RBFOX1: variants seen among roughly 807,000 people sequenced by gnomAD.
RBFOX1 encodes RNA binding protein fox-1 homolog 1.
Under a neutral mutation model 57.7 loss-of-function variants are expected in RBFOX1, and 8 were observed. The ratio of observed to expected loss-of-function variants is 0.14; its 90% CI spans 0.08 to 0.25. The LOEUF (loss-of-function observed/expected upper bound fraction) is 0.25. Ranked by LOEUF, RBFOX1 falls within the 10% of genes least tolerant of loss-of-function variation. The probability of loss-of-function intolerance (pLI) is 1.00; values close to 1 mark genes in which losing one functional copy is unlikely to be tolerated. For synonymous variants in RBFOX1, 326 were observed against 222.4 expected (o/e 1.47, Z -4.15); for missense variants, 611 against 548.5 (o/e 1.11, Z -1.14).
chr16:6,947,860 T>C (rs770014562), intron 3 of RBFOX1, among the ~76,000 whole-genome samples: 1 of 152,178 alleles, frequency 6.6e-6, no homozygotes. Flanking sequence ...CACTGCAAAG[T>C]CCACCTCATG....
intron 3 of RBFOX1, among the ~76,000 whole-genome samples, chr16:5,722,760 G>T (rs910417339): frequency 3.9e-5 from 6 of 152,094 alleles, no homozygotes; most frequent in African/African-American, 1.4e-4. Flanking sequence ...TCCCTGCCTG[G>T]CTTACTTCTA....
intron 2 of RBFOX1, among the ~76,000 whole-genome samples, chr16:6,648,069 C>G (rs1568034203): frequency 6.6e-6 from 1 of 152,140 alleles, no homozygotes; most frequent in Non-Finnish European, 1.5e-5. Flanking sequence ...TCTCAAACTC[C>G]TGGCCTCAAG....
At chr16:7,186,534 A>T (rs28379939) in intron 4 of RBFOX1, among the ~76,000 whole-genome samples, 17 of 129,096 alleles carry the variant, frequency 1.3e-4, no homozygotes, top group South Asian at 5.0e-4. Context: ...AAATATAAGC[A>T]TAAACATATT....
chr16:6,987,086 A>T (rs370823249), intron 3 of RBFOX1, among the ~76,000 whole-genome samples: 1 of 152,090 alleles, frequency 6.6e-6, no homozygotes, highest in Non-Finnish European at 1.5e-5. Flanking sequence ...CAAGCGATCT[A>T]TTAGCAGCTT....
At chr16:6,668,279 A>G (rs972401569) in intron 3 of RBFOX1, among the ~76,000 whole-genome samples, 2 of 152,224 alleles carry the variant, frequency 1.3e-5, no homozygotes, top group East Asian at 3.8e-4. Flanking sequence ...GGGTTCTCCC[A>G]GAAAGAGTGC....
intron 4 of RBFOX1, among the ~76,000 whole-genome samples, chr16:5,889,959 C>T (rs1396150566): frequency 6.6e-6 from 1 of 152,198 alleles, no homozygotes; most frequent in African/African-American, 2.4e-5. Flanking sequence ...GTGATGATCA[C>T]AATGCGTGTG....
intron 1 of RBFOX1, among the ~76,000 whole-genome samples, chr16:6,237,361 G>T (rs973276845): frequency 1.1e-4 from 16 of 152,164 alleles, no homozygotes; most frequent in Non-Finnish European, 1.9e-4. Context: ...TCCTTATATG[G>T]CCAGGTCTGA....
At chr16:5,593,555 A>C (rs1327419916) in intron 2 of RBFOX1, among the ~76,000 whole-genome samples, 1 of 152,092 alleles carries the variant, frequency 6.6e-6, no homozygotes, top group African/African-American at 2.4e-5. Flanking sequence ...AACCCACCAA[A>C]ACCAAGATGG....
intron 2 of RBFOX1, among the ~76,000 whole-genome samples, chr16:6,570,865 T>A (rs1296230538): frequency 1.3e-5 from 2 of 152,178 alleles, no homozygotes; most frequent in East Asian, 3.8e-4. Flanking sequence ...GGTGCCTCAG[T>A]TAAGGATGGG....
chr16:5,541,309 G>C (rs1343626198), intron 2 of RBFOX1, among the ~76,000 whole-genome samples: 1 of 152,078 alleles, frequency 6.6e-6, no homozygotes, highest in Admixed American at 6.5e-5. Flanking sequence ...AGTTAATTTA[G>C]AGAGTTTATT....
At chr16:6,480,747 C>G (rs1273737042) in intron 2 of RBFOX1, among the ~76,000 whole-genome samples, 2 of 152,152 alleles carry the variant, frequency 1.3e-5, no homozygotes, top group Admixed American at 6.5e-5. Flanking sequence ...ATTTTTATCT[C>G]AGCAATTTAT....
intron 2 of RBFOX1, among the ~76,000 whole-genome samples, chr16:6,369,392 AAAAG>A (rs1257319136): frequency 3.3e-4 from 50 of 152,362 alleles, no homozygotes; most frequent in African/African-American, 1.2e-3. Flanking sequence ...TTGTGAAGGA[AAAAG>A]AAAGGAGGCA....
At chr16:6,402,068 A>G (rs192499895) in intron 2 of RBFOX1, among the ~76,000 whole-genome samples, 1 of 151,532 alleles carries the variant, frequency 6.6e-6, no homozygotes, top group East Asian at 2.0e-4. Flanking sequence ...GGTCAGAAGG[A>G]TGAGATGACT....
chr16:5,969,616 C>G (rs2059923985), intron 4 of RBFOX1, among the ~76,000 whole-genome samples: 1 of 151,664 alleles, frequency 6.6e-6, no homozygotes, highest in African/African-American at 2.4e-5. Context: ...ACCACCATGT[C>G]CAGCCTTTGT....
intron 3 of RBFOX1, among the ~76,000 whole-genome samples, chr16:6,735,274 T>TTC (rs2069850917): frequency 6.6e-6 from 1 of 152,202 alleles, no homozygotes; most frequent in African/African-American, 2.4e-5. Flanking sequence ...ACTTGCCTCC[T>TTC]ACCCAACTCA....
At chr16:5,601,952 C>T (rs553132275), downstream of RBFOX1, among the ~76,000 whole-genome samples, 63 of 152,192 alleles carry the variant, frequency 4.1e-4, no homozygotes, top group Non-Finnish European at 7.8e-4. Flanking sequence ...TGTGTTCTCT[C>T]TAGTGGAAGG....
intron 3 of RBFOX1, among the ~76,000 whole-genome samples, chr16:6,990,958 T>G (rs573876218): frequency 3.3e-5 from 5 of 152,098 alleles, no homozygotes; most frequent in African/African-American, 9.6e-5. Context: ...GTTCATTGAT[T>G]GCATATTTTA....
At chr16:6,197,954 C>A (rs1385005839) in intron 1 of RBFOX1, among the ~76,000 whole-genome samples, 1 of 152,176 alleles carries the variant, frequency 6.6e-6, no homozygotes, top group Non-Finnish European at 1.5e-5. Context: ...CTATCTACAT[C>A]CATGTTGCTG....
chr16:5,976,085 A>T (rs528120554), intron 4 of RBFOX1, among the ~76,000 whole-genome samples: 1 of 152,168 alleles, frequency 6.6e-6, no homozygotes, highest in Non-Finnish European at 1.5e-5. Context: ...CGGAGGTTGC[A>T]GTGAGCCAAG....
Sources: gnomAD v4.1 joint callset for allele counts (sites outside exome capture counted in the v4.1 genomes callset) on GRCh38, gnomAD v4.1.1 for gene constraint, MANE v1.5 for transcripts, NCBI Gene and HGNC (gene_info 2026-07-23, HGNC 2026-07-21) for gene names.